The following PDSS1 variants were observed in gnomAD, a reference collection of about 807,000 sequenced individuals.
PDSS1 encodes the protein all trans-polyprenyl-diphosphate synthase PDSS1.
PDSS1 carries 43 observed loss-of-function variants against 57.5 expected under a neutral mutation model. The observed-to-expected ratio is 0.75, with a 90% CI of 0.59 to 0.96. PDSS1 has a LOEUF of 0.96. Among genes scored for constraint, PDSS1 ranks in the 50% least tolerant of loss-of-function variants. PDSS1 has a pLI of 0.00. For synonymous variants in PDSS1, 175 were observed against 191.3 expected (o/e 0.91, Z 0.70); for missense variants, 438 against 527.8 (o/e 0.83, Z 1.67).
In PDSS1 at chr10:26,712,532, C is replaced by T. The variant is rs900248891; in HGVS notation, c.467+2764C>T. ...GCATGGGGACAAGTCACGGTTGTGGCGTGGGTTTGGGTGGTACAGTACCCT... is the reference window on the plus strand; with the variant it reads ...GCATGGGGACAAGTCACGGTTGTGGTGTGGGTTTGGGTGGTACAGTACCCT... On this transcript the variant is annotated intron_variant, in intron 5 of 11. Coordinates refer to ENST00000376215, the MANE Select transcript of PDSS1 (RefSeq NM_014317.5). 2.2e-4 allele frequency among the ~76,000 whole-genome samples: 22 copies of T among 98,884 alleles called. 4 individuals are homozygous for T. Among genetic ancestry groups the T allele is most frequent in the African/African-American group, 5.9e-4 (18 of 30,478 alleles). The allele number at this position is 98,884 out of a possible 152,430, so 64.9% of individuals were successfully genotyped here. A position where few individuals can be genotyped will look rare whatever the true frequency, so the allele number is the denominator to read the frequency against.
At chr10:26,727,578 C>T (rs1412098087) in intron 8 of PDSS1, among the ~76,000 whole-genome samples, 4 of 151,510 alleles carry the variant, frequency 2.6e-5, no homozygotes, top group African/African-American at 7.3e-5. Context: ...TCACTGCAAC[C>T]TCCACCTCCC....
At chr10:26,726,470 T>C (rs1015144132) in intron 8 of PDSS1, among the ~76,000 whole-genome samples, 8 of 152,194 alleles carry the variant, frequency 5.3e-5, no homozygotes, top group Non-Finnish European at 1.0e-4. Context: ...AAAATGGCTA[T>C]TTTTACGTAC....
At chr10:26,702,254 C>T (rs950918299) in intron 2 of PDSS1, 60 bp downstream of exon 2, 8 of 419,652 alleles carry the variant, frequency 1.9e-5, no homozygotes, top group Admixed American at 1.5e-4. Flanking sequence ...CTTTTGGGGA[C>T]TGTTCGGAAG....
intron 8 of PDSS1, among the ~76,000 whole-genome samples, chr10:26,724,603 T>A (rs1234011274): frequency 5.9e-5 from 9 of 151,970 alleles, no homozygotes; most frequent in Admixed American, 5.9e-4. Flanking sequence ...TGAGACAGAG[T>A]CTTTTGCTGT....
At chr10:26,742,691 C>A in intron 11 of PDSS1, 114 bp downstream of exon 11, 1 of 721,714 alleles carries the variant, frequency 1.4e-6, no homozygotes, top group Non-Finnish European at 2.5e-6. Flanking sequence ...ACTGTTTGGT[C>A]AACTCTTGAT....
At chr10:26,744,666 C>T (rs992311895) in intron 11 of PDSS1, among the ~76,000 whole-genome samples, 4 of 152,084 alleles carry the variant, frequency 2.6e-5, no homozygotes, top group African/African-American at 4.8e-5. Context: ...GGAATACAGG[C>T]GTGAGCCACC....
chr10:26,724,272 A>C, intron 8 of PDSS1, 149 bp downstream of exon 8: 1 of 688,366 alleles, frequency 1.5e-6, no homozygotes, highest in Non-Finnish European at 2.6e-6. Flanking sequence ...TCCCCAAACA[A>C]TAGAGGACTT....
chr10:26,709,457 GGGCTGA>G (rs983474588), intron 4 of PDSS1, among the ~76,000 whole-genome samples, 175 bp from the exon 5 acceptor site: 3 of 151,974 alleles, frequency 2.0e-5, no homozygotes, highest in African/African-American at 7.3e-5. Flanking sequence ...GCTGCTTGCG[GGGCTGA>G]GGCAGGAGAA....
intron 6 of PDSS1, among the ~76,000 whole-genome samples, chr10:26,721,739 G>C (rs977792473): frequency 2.0e-5 from 3 of 152,122 alleles, no homozygotes; most frequent in Admixed American, 6.5e-5. Context: ...AGCCTTGGGC[G>C]GGGGAAGAGG....
intron 4 of PDSS1, among the ~76,000 whole-genome samples, chr10:26,707,717 C>G (rs987789095): frequency 6.6e-6 from 1 of 152,220 alleles, no homozygotes; most frequent in Non-Finnish European, 1.5e-5. Flanking sequence ...ACTTACGTCT[C>G]TCAAATAATA....
In PDSS1 at chr10:26,723,995, C is replaced by T. The variant is rs758837391; in HGVS notation, c.722-19C>T. ...GGCAATAAAGCCACCTCTCAAATGA[C>T]TCCTTTCCTTCTTTATAGGTGAATT... On this transcript the variant is annotated intron_variant, in intron 7 of 11. Coordinates refer to ENST00000376215, the MANE Select transcript of PDSS1 (RefSeq NM_014317.5). 3.1e-6 allele frequency: 5 copies of T among 1,602,638 alleles called. No individual in the cohort carries two copies. The South Asian group carries it at 5.5e-5, about 18-fold the overall frequency.
At chr10:26,736,024 C>T (rs939376584) in intron 10 of PDSS1, among the ~76,000 whole-genome samples, 2 of 152,196 alleles carry the variant, frequency 1.3e-5, no homozygotes, top group Non-Finnish European at 2.9e-5. Flanking sequence ...ATAAGAAATT[C>T]TCCGGTTCTA....
rs996351214 is a variant in PDSS1 at position 26,702,785 on chromosome 10, G to T, written c.162+591G>T. 5.3e-5 allele frequency among the ~76,000 whole-genome samples: 8 copies of T among 152,180 alleles called. 1 individual carries two copies. The highest frequency in any genetic ancestry group is 5.2e-4 in the Admixed American group (8 of 15,288). ...AGATAGCTTGAGCCCAGGAGATTGA[G>T]GCTGCAGTGAGCTATGATTGCACCA... is the stretch of plus-strand genomic sequence containing the variant. On this transcript the variant is annotated intron_variant, in intron 2 of 11. Transcript: ENST00000376215.
intron 5 of PDSS1, chr10:26,715,890 G>A (rs1020848568): frequency 1.3e-5 from 2 of 151,750 alleles, no homozygotes; most frequent in African/African-American, 2.4e-5. Context: ...TCAGTGGCAA[G>A]CAAATAAGCA....
In PDSS1 at chr10:26,704,755, C is replaced by G; in HGVS notation, c.227+14C>G. ...TCGTATATCACGGTAAGTTTACAGTCCATACTGCAACTACTAAAATTATCC... is the reference window on the plus strand; with the variant it reads ...TCGTATATCACGGTAAGTTTACAGTGCATACTGCAACTACTAAAATTATCC... On this transcript the variant is annotated intron_variant, in intron 3 of 11. Transcript: ENST00000376215. The G allele has an allele frequency of 7.6e-7, 1 of 1,310,914 alleles. No individual in the cohort carries two copies. The allele number at this position is 1,310,914 out of a possible 1,614,324, so 81.2% of individuals were successfully genotyped here.
rs746615168 is a variant in PDSS1, at chr10:26,735,495, G to A, written c.942G>A (p.Ser314=). Residue 314 remains serine, a synonymous_variant, in exon 10 of 12, where the codon TCG becomes TCA. Coordinates refer to ENST00000376215, the MANE Select transcript of PDSS1 (RefSeq NM_014317.5). ...TAGATGATGTATTGGACTTCACCTC[G>A]TGTTCTGACCAGATGGGCAAACCAA... The part of the protein sequence containing the change: ...QLIDDVLDFT[S]CSDQMGKPTS... The A allele has an allele frequency of 1.1e-5, 17 of 1,613,390 alleles. No homozygotes were observed. The highest frequency in any genetic ancestry group is 6.7e-5 in the East Asian group (3 of 44,880).
intron 6 of PDSS1, among the ~76,000 whole-genome samples, chr10:26,721,832 G>C (rs1483750225): frequency 6.6e-6 from 1 of 152,210 alleles, no homozygotes; most frequent in Non-Finnish European, 1.5e-5. Flanking sequence ...TCTGAGGGCA[G>C]GTCAAGGACA....
Position 26,746,478 on chromosome 10 carries a change from T to G in PDSS1, c.*5T>G. The G allele has an allele frequency of 6.2e-7, 1 of 1,613,942 alleles. No individual in the cohort carries two copies. The highest frequency in any genetic ancestry group is 2.2e-5 in the East Asian group (1 of 44,862). The stretch of plus-strand genomic sequence containing the variant: ...GTACTCACAAGAGATAAATGACAAC[T>G]CTTTCTGTTCTTTCTGGCAGCTATC... On this transcript the variant is annotated 3_prime_UTR_variant, in exon 12 of 12. Coordinates refer to ENST00000376215, the MANE Select transcript of PDSS1 (RefSeq NM_014317.5).
At chr10:26,735,012 G>A (rs1023704558) in intron 8 of PDSS1, among the ~76,000 whole-genome samples, 2 of 152,240 alleles carry the variant, frequency 1.3e-5, no homozygotes, top group African/African-American at 4.8e-5. Flanking sequence ...GAAAGCAGGG[G>A]TTGGAGAAGG....
Sources: allele counts gnomAD v4.1 joint callset (sites outside exome capture counted in the v4.1 genomes callset), GRCh38; gene constraint gnomAD v4.1.1; transcripts MANE v1.5; gene names NCBI Gene and HGNC (gene_info 2026-07-23, HGNC 2026-07-21).